USH2A: variants seen among roughly 807,000 people sequenced by gnomAD.
USH2A encodes Usher syndrome 2A (autosomal recessive, mild).
Under a neutral mutation model 538.9 loss-of-function variants are expected in USH2A, and 443 were observed. The observed-to-expected ratio is 0.82, with a 90% confidence interval of 0.76 to 0.89. The LOEUF is 0.89. USH2A is among the 40% of genes least tolerant of loss of function. USH2A has a pLI of 0.00. For missense variants in USH2A, 6,633 were observed against 6,324.8 expected (o/e 1.05, Z -1.65); for synonymous variants, 2,413 against 2,273.5 (o/e 1.06, Z -1.75).
At chr1:216,249,639 T>A (rs1026458224) in intron 12 of USH2A, among the ~76,000 whole-genome samples, 2 of 152,280 alleles carry the variant, frequency 1.3e-5, no homozygotes, top group East Asian at 3.9e-4. Flanking sequence ...TAAATTATGG[T>A]ACAGATTTTC....
intron 9 of USH2A, among the ~76,000 whole-genome samples, chr1:216,306,289 T>C (rs911216150): frequency 6.6e-6 from 1 of 152,166 alleles, no homozygotes; most frequent in Non-Finnish European, 1.5e-5. Flanking sequence ...CTTCTACTTG[T>C]TGGATTCTAT....
chr1:216,135,166 T>TCTCACACA (rs1478398683), intron 21 of USH2A, among the ~76,000 whole-genome samples: 2 of 90,300 alleles, frequency 2.2e-5, no homozygotes, highest in African/African-American at 1.1e-4. Flanking sequence ...TCTCTCTCTC[T>TCTCACACA]CACACACACA....
chr1:216,386,302 C>T (rs1378936696), intron 3 of USH2A, among the ~76,000 whole-genome samples: 1 of 151,696 alleles, frequency 6.6e-6, no homozygotes, highest in East Asian at 2.0e-4. Flanking sequence ...TTGAGACCAT[C>T]CTGGCTAACA....
chr1:215,759,314 G>A (rs899811068), intron 57 of USH2A, among the ~76,000 whole-genome samples: 2 of 152,074 alleles, frequency 1.3e-5, no homozygotes, highest in Non-Finnish European at 2.9e-5. Flanking sequence ...AGAAAAGAGA[G>A]TTGACGGAAA....
At chr1:216,010,033 C>T (rs899773896) in intron 32 of USH2A, among the ~76,000 whole-genome samples, 2 of 152,160 alleles carry the variant, frequency 1.3e-5, no homozygotes, top group African/African-American at 4.8e-5. Context: ...ACTCAATATA[C>T]ATTTTATTAC....
At chr1:216,104,962 A>G (rs954462441) in intron 21 of USH2A, among the ~76,000 whole-genome samples, 1 of 152,200 alleles carries the variant, frequency 6.6e-6, no homozygotes, top group Non-Finnish European at 1.5e-5. Context: ...CAAATTTACA[A>G]GAAAGAAACA....
At chr1:216,039,423 A>G (rs1054713434) in intron 32 of USH2A, among the ~76,000 whole-genome samples, 4 of 151,976 alleles carry the variant, frequency 2.6e-5, no homozygotes, top group African/African-American at 9.7e-5. Flanking sequence ...TTTGTAATAG[A>G]GTGGCATGGT....
At chr1:215,759,914 C>A in intron 56 of USH2A, 71 bp from the exon 57 acceptor site, 3 of 1,570,620 alleles carry the variant, frequency 1.9e-6, no homozygotes, top group Non-Finnish European at 2.6e-6. Flanking sequence ...TCACACCATC[C>A]CCCCCATGAA....
At chr1:215,776,307 C>T (rs1017821133) in intron 55 of USH2A, among the ~76,000 whole-genome samples, 20 of 152,184 alleles carry the variant, frequency 1.3e-4, no homozygotes, top group Non-Finnish European at 1.5e-5. Flanking sequence ...GAAAACGCTT[C>T]AGTTTACTTA....
At chr1:216,399,428 G>A (rs941249128) in intron 3 of USH2A, among the ~76,000 whole-genome samples, 1 of 152,130 alleles carries the variant, frequency 6.6e-6, no homozygotes, top group Non-Finnish European at 1.5e-5. Context: ...GAGACTGTGT[G>A]CTAGGTGTTA....
chr1:215,871,217 T>C (rs1185883237), intron 43 of USH2A, among the ~76,000 whole-genome samples: 1 of 152,206 alleles, frequency 6.6e-6, no homozygotes, highest in Non-Finnish European at 1.5e-5. Flanking sequence ...GGTATAGACA[T>C]GACTATGGTA....
In USH2A at chr1:215,790,229, A is replaced by T; in HGVS notation, c.10012T>A (p.Ser3338Thr). The T allele has an allele frequency of 6.2e-7, 1 of 1,614,096 alleles. No homozygotes were observed. The highest frequency in any genetic ancestry group is 8.5e-7 in the Non-Finnish European group (1 of 1,179,992). The change falls in exon 51 of 72, where the codon TCA becomes ACA. Residue 3338 changes from serine (S) to threonine (T), a missense_variant. By Grantham distance (58) the Ser-to-Thr change is moderately conservative. Transcript: ENST00000307340. ...YVNMSDTICC[S>T]ASSGESKAHI... ...GCTTTAGACTCTCCACTGGAAGCTG[A>T]GCAGCATATGGTATCTGACATATTC... is the stretch of plus-strand genomic sequence containing the variant.
rs1196748573 is a variant in USH2A at position 216,183,896 on chromosome 1, T to A, written c.4396+6327A>T. ...AAAAGTATTGCTTTGAACCGAAAGCTTTTAATCAAGAGAAATATAACTTAA... is the reference window on the plus strand; with the variant it reads ...AAAAGTATTGCTTTGAACCGAAAGCATTTAATCAAGAGAAATATAACTTAA... On this transcript the variant is annotated intron_variant, in intron 20 of 71. Coordinates refer to ENST00000307340, the MANE Select transcript of USH2A (RefSeq NM_206933.4). Among the ~76,000 whole-genome samples, 6 of 152,204 alleles carry A rather than the reference T, an allele frequency of 3.9e-5. No homozygotes were observed. The South Asian group carries it at 8.3e-4, about 21-fold the overall frequency.
intron 38 of USH2A, among the ~76,000 whole-genome samples, chr1:215,902,398 C>G (rs1665525414): frequency 6.6e-6 from 1 of 152,088 alleles, no homozygotes; most frequent in Admixed American, 6.6e-5. Flanking sequence ...ATAATTCATT[C>G]ATTTGTTCAA....
intron 9 of USH2A, among the ~76,000 whole-genome samples, chr1:216,302,344 A>G (rs975294651): frequency 6.6e-6 from 1 of 152,212 alleles, no homozygotes; most frequent in African/African-American, 2.4e-5. Flanking sequence ...TAAAGGTTTA[A>G]AGGCAAATGC....
chr1:215,893,170 A>G lies in USH2A; in HGVS notation c.7595-4116T>C, dbSNP rs1665249358. 2.0e-5 allele frequency among the ~76,000 whole-genome samples: 3 copies of G among 152,214 alleles called. No individual in the cohort carries two copies. The South Asian group carries it at 6.2e-4, about 31-fold the overall frequency. ...GCAAATCAACTCTGTTTACAGGTACATTATCAAAATGAGGAAGACAACAAG... is the reference window on the plus strand; with the variant it reads ...GCAAATCAACTCTGTTTACAGGTACGTTATCAAAATGAGGAAGACAACAAG... On this transcript the variant is annotated intron_variant, in intron 40 of 71. Coordinates refer to ENST00000307340, the MANE Select transcript of USH2A (RefSeq NM_206933.4).
intron 5 of USH2A, 145 bp downstream of exon 5, chr1:216,327,446 A>G: frequency 1.1e-6 from 1 of 930,510 alleles, no homozygotes; most frequent in African/African-American, 1.6e-5. Context: ...ACTAAGCCAA[A>G]GCAAACACTG....
rs1658180939 is a variant in USH2A at position 215,680,224 on chromosome 1, T to C, written c.12219A>G (p.Ile4073Met). 2.5e-6 allele frequency: 4 copies of C among 1,614,182 alleles called. No individual in the cohort carries two copies. The highest frequency in any genetic ancestry group is 3.4e-6 in the Non-Finnish European group (4 of 1,180,026). The change falls in exon 62 of 72, where the codon ATA (isoleucine) becomes ATG (methionine). Residue 4073 changes from isoleucine to methionine, a missense_variant. Ile to Met is a conservative substitution (Grantham distance 10). Transcript: ENST00000307340. ...ESSPSGLRNF[I>M]VEQKENGRAL... is the part of the protein sequence containing the mutation. ...CCCGGCCATTCTCTTTCTGTTCTAC[T>C]ATAAAGTTTCTCAGTCCACTTGGGG...
intron 38 of USH2A, among the ~76,000 whole-genome samples, chr1:215,902,757 G>C (rs574187532): frequency 1.3e-5 from 2 of 152,234 alleles, no homozygotes; most frequent in Admixed American, 6.5e-5. Context: ...CGAATGTCTG[G>C]AGGAAGAGTA....
Sources: gnomAD v4.1 joint callset for allele counts (sites outside exome capture counted in the v4.1 genomes callset) on GRCh38, gnomAD v4.1.1 for gene constraint, MANE v1.5 for transcripts, NCBI Gene and HGNC (gene_info 2026-07-23, HGNC 2026-07-21) for gene names.